The following MSN variants were observed in gnomAD, a reference collection of about 807,000 sequenced individuals.
MSN encodes the protein moesin.
In MSN, 2 loss-of-function variants were observed where a neutral mutation model predicts 48.0. The observed-to-expected ratio is 0.04, with a 90% CI of 0.02 to 0.13. The LOEUF (loss-of-function observed/expected upper bound fraction) is 0.13, where lower values mean the gene tolerates loss of function less well. MSN is among the 10% of genes least tolerant of loss of function. The probability of loss-of-function intolerance (pLI) is 1.00; values close to 1 mark genes in which losing one functional copy is unlikely to be tolerated. For missense variants in MSN, 267 were observed against 470.1 expected (o/e 0.57, Z 3.99); for synonymous variants, 146 against 166.9 (o/e 0.87, Z 0.97).
At chrX:65,637,068 C>T (rs889871407) in intron 1 of MSN, among the ~76,000 whole-genome samples, 6 of 100,346 alleles carry the variant, frequency 6.0e-5, no homozygotes, top group East Asian at 3.1e-4. Context: ...CCAGCCTGGA[C>T]GACACAGCAA....
At chrX:65,701,656 G>A (rs763228597) in intron 1 of MSN, among the ~76,000 whole-genome samples, 2 of 112,005 alleles carry the variant, frequency 1.8e-5, no homozygotes, top group African/African-American at 3.2e-5. Flanking sequence ...GCTAAGTTTG[G>A]GATATACCTC....
At chrX:65,605,574 C>T (rs925273499) in intron 1 of MSN, among the ~76,000 whole-genome samples, 1 of 112,074 alleles carries the variant, frequency 8.9e-6, no homozygotes, top group East Asian at 2.8e-4. Context: ...ATGAAACTCT[C>T]CAGTGTCTTT....
intron 1 of MSN, among the ~76,000 whole-genome samples, chrX:65,689,688 CT>C (rs1282396662): frequency 9.0e-6 from 1 of 110,880 alleles, no homozygotes; most frequent in East Asian, 2.8e-4. Context: ...ACCATTCCCT[CT>C]GTGAAGGGTG....
chrX:65,722,046 C>A (rs2071522148), intron 2 of MSN, among the ~76,000 whole-genome samples: 1 of 112,076 alleles, frequency 8.9e-6, no homozygotes, highest in African/African-American at 3.2e-5. Flanking sequence ...TGCACCACTG[C>A]ACTCCAGCTT....
chrX:65,703,295 A>G (rs990035486), intron 1 of MSN, among the ~76,000 whole-genome samples: 1 of 111,235 alleles, frequency 9.0e-6, no homozygotes, highest in Non-Finnish European at 1.9e-5. Context: ...AGTGTCAAAC[A>G]TGTCTGTTAT....
intron 11 of MSN, 105 bp from the exon 12 acceptor site, chrX:65,738,865 T>A: frequency 1.2e-6 from 1 of 820,742 alleles, no homozygotes; most frequent in Middle Eastern, 2.8e-4. Flanking sequence ...AAGTGCCTTG[T>A]CCTACCTGGT....
chrX:65,696,691 A>G (rs1251229957), intron 1 of MSN, among the ~76,000 whole-genome samples: 1 of 111,507 alleles, frequency 9.0e-6, no homozygotes, highest in Non-Finnish European at 1.9e-5. Context: ...TAGGGGTGCT[A>G]AAAACCCTTG....
upstream of MSN, among the ~76,000 whole-genome samples, chrX:65,665,410 T>C (rs1375317527): frequency 2.7e-5 from 3 of 111,931 alleles, no homozygotes; most frequent in African/African-American, 9.7e-5. Flanking sequence ...TCATGGAGAC[T>C]GTTTGGGCTT....
intron 1 of MSN, among the ~76,000 whole-genome samples, chrX:65,676,058 C>T (rs2070995593): frequency 8.9e-6 from 1 of 112,847 alleles, no homozygotes; most frequent in African/African-American, 3.2e-5. Flanking sequence ...AACTTTATGT[C>T]AGCAGCCTAG....
chrX:65,696,110 A>G (rs971166332), intron 1 of MSN, among the ~76,000 whole-genome samples: 1 of 110,744 alleles, frequency 9.0e-6, no homozygotes, highest in Non-Finnish European at 1.9e-5. Context: ...GTGTTTCCAC[A>G]GTCCACTTTA....
At chrX:65,599,261 T>C (rs1393266121) in intron 1 of MSN, among the ~76,000 whole-genome samples, 2 of 107,616 alleles carry the variant, frequency 1.9e-5, no homozygotes, top group Admixed American at 9.9e-5. Flanking sequence ...CACCATTGCA[T>C]TACAGCCTAG....
chrX:65,625,806 C>T (rs959620658), intron 1 of MSN: 1 of 100,937 alleles, frequency 9.9e-6, no homozygotes, highest in Admixed American at 9.8e-5. Context: ...TACCTTTTTG[C>T]TATTTGATTT....
At chrX:65,639,977 G>A in intron 1 of MSN, among the ~76,000 whole-genome samples, 1 of 111,538 alleles carries the variant, frequency 9.0e-6, no homozygotes, top group South Asian at 3.8e-4. Context: ...AGATGCTAGG[G>A]GTGCCCCAGT....
chrX:65,740,057 C>T lies in MSN; in HGVS notation c.*164C>T, dbSNP rs187113694. 4.3e-5 allele frequency: 20 copies of T among 467,766 alleles called. 1 individual carries two copies. The highest frequency in any genetic ancestry group is 4.1e-4 in the African/African-American group (17 of 41,413). The allele number at this position is 467,766 out of a possible 1,213,427, so 38.5% of individuals were successfully genotyped here. A position where few individuals can be genotyped will look rare whatever the true frequency, so the allele number is the denominator to read the frequency against. On this transcript the variant is annotated 3_prime_UTR_variant, in exon 13 of 13. Coordinates refer to ENST00000360270, the MANE Select transcript of MSN (RefSeq NM_002444.3). ...TGGGACCAAACCTAGCCCCTTAGCC[C>T]CCACCCACTTCCCTGGGCAAATGAA...
At chrX:65,732,132 C>T in intron 6 of MSN, 148 bp downstream of exon 6, 1 of 590,311 alleles carries the variant, frequency 1.7e-6, no homozygotes, top group Non-Finnish European at 2.5e-6. Flanking sequence ...CACAACTTCC[C>T]TTAGTCAATA....
chrX:65,594,369 A>G (rs982111330), intron 1 of MSN, among the ~76,000 whole-genome samples: 2 of 109,325 alleles, frequency 1.8e-5, no homozygotes, highest in East Asian at 5.7e-4. Flanking sequence ...AGTAGAGAAG[A>G]CTGTACCCTG....
intron 1 of MSN, among the ~76,000 whole-genome samples, chrX:65,691,512 C>CT (rs1027547904): frequency 1.0e-4 from 11 of 109,475 alleles, no homozygotes; most frequent in Non-Finnish European, 1.9e-4. Context: ...GTTTCTTTTC[C>CT]TTTTTTTTTG....
At chrX:65,670,592 G>A (rs2070922371) in intron 1 of MSN, among the ~76,000 whole-genome samples, 1 of 108,278 alleles carries the variant, frequency 9.2e-6, no homozygotes, top group African/African-American at 3.4e-5. Context: ...GCGTGGTGGT[G>A]TGCGCCTGTA....
chrX:65,607,646 A>T (rs1453763952), intron 1 of MSN, among the ~76,000 whole-genome samples: 1 of 111,367 alleles, frequency 9.0e-6, no homozygotes, highest in Non-Finnish European at 1.9e-5. Flanking sequence ...TGTCAATCTT[A>T]AGCCTGGGTT....
Sources: gnomAD v4.1 joint callset for allele counts (sites outside exome capture counted in the v4.1 genomes callset) on GRCh38, gnomAD v4.1.1 for gene constraint, MANE v1.5 for transcripts, NCBI Gene and HGNC (gene_info 2026-07-23, HGNC 2026-07-21) for gene names.